Variants in MAST4 observed in about 807,000 individuals in gnomAD.
MAST4 encodes the protein microtubule associated serine/threonine kinase family member 4.
In MAST4, 89 loss-of-function variants were observed where a neutral mutation model predicts 162.7. The observed-to-expected ratio is 0.55, with a 90% CI of 0.46 to 0.65. The LOEUF (loss-of-function observed/expected upper bound fraction) is 0.65, where lower values mean the gene tolerates loss of function less well. Among genes scored for constraint, MAST4 ranks in the 30% least tolerant of loss-of-function variants. The pLI, the probability that MAST4 is intolerant of heterozygous loss-of-function variation, is 0.00. For synonymous variants in MAST4, 1,479 were observed against 1,361.1 expected (o/e 1.09, Z -1.91); for missense variants, 3,153 against 3,374.0 (o/e 0.93, Z 1.62).
At chr5:66,637,456 A>G (rs1326155884) in intron 1 of MAST4, among the ~76,000 whole-genome samples, 1 of 152,060 alleles carries the variant, frequency 6.6e-6, no homozygotes, top group East Asian at 1.9e-4. Flanking sequence ...GTTTGTGGGT[A>G]GCTTGCTTTT....
intron 14 of MAST4, 80 bp downstream of exon 14, chr5:67,121,182 C>A: frequency 1.8e-6 from 2 of 1,127,670 alleles, no homozygotes. Flanking sequence ...TATCTAAGGC[C>A]AAATAGAAGC....
chr5:67,046,871 A>G (rs776217228), intron 4 of MAST4, among the ~76,000 whole-genome samples: 9 of 152,182 alleles, frequency 5.9e-5, no homozygotes, highest in Non-Finnish European at 1.2e-4. Flanking sequence ...CCTTTAGAAG[A>G]GTTTTTCTGC....
At chr5:66,882,667 T>A (rs937178674) in intron 3 of MAST4, among the ~76,000 whole-genome samples, 2 of 152,188 alleles carry the variant, frequency 1.3e-5, no homozygotes, top group Admixed American at 6.5e-5. Flanking sequence ...CTGTATCCTT[T>A]AGCATACTTT....
chr5:67,051,122 G>A (rs1758126344), intron 4 of MAST4, among the ~76,000 whole-genome samples: 1 of 151,822 alleles, frequency 6.6e-6, no homozygotes, highest in Non-Finnish European at 1.5e-5. Flanking sequence ...TGCTACAGGA[G>A]AAGTAGTATT....
intron 3 of MAST4, among the ~76,000 whole-genome samples, chr5:66,884,034 G>T (rs192876022): frequency 8.9e-4 from 136 of 152,298 alleles, no homozygotes; most frequent in Non-Finnish European, 1.7e-3. Context: ...AAGTACAATA[G>T]CTGGTATATG....
intron 3 of MAST4, among the ~76,000 whole-genome samples, chr5:66,826,662 C>A (rs1561358513): frequency 1.3e-5 from 2 of 151,508 alleles, no homozygotes; most frequent in African/African-American, 4.9e-5. Context: ...CTCCTCTAGA[C>A]CCTAGTTTTT....
chr5:66,940,075 ATATG>A (rs1482482583), intron 4 of MAST4, among the ~76,000 whole-genome samples: 1 of 152,086 alleles, frequency 6.6e-6, no homozygotes, highest in African/African-American at 2.4e-5. Flanking sequence ...TCATAAATAT[ATATG>A]TATGTGTATA....
At chr5:66,611,331 G>A (rs1353652481) in intron 1 of MAST4, among the ~76,000 whole-genome samples, 2 of 152,176 alleles carry the variant, frequency 1.3e-5, no homozygotes, top group Admixed American at 1.3e-4. Context: ...CTTTGTTTTT[G>A]GAACTCAGAC....
At chr5:66,757,719 T>A (rs1267795796) in intron 1 of MAST4, among the ~76,000 whole-genome samples, 4 of 152,172 alleles carry the variant, frequency 2.6e-5, no homozygotes, top group Non-Finnish European at 5.9e-5. Flanking sequence ...AAAAACGGTG[T>A]GACAAAAGGT....
At position 67,049,078 on chromosome 5, in the gene MAST4, T is replaced by C. The variant is rs187535224; in HGVS notation, c.675-5326T>C. ...ATATATACGTATATATATATATATA[T>C]ACACTACCATACCAAGAATGAATGG... On this transcript the variant is annotated intron_variant, in intron 4 of 28. Transcript: ENST00000403625. Among the ~76,000 whole-genome samples, 251 of 138,684 alleles carry C rather than the reference T, an allele frequency of 1.8e-3. 1 individual carries two copies. The highest frequency in any genetic ancestry group is 8.1e-3 in the South Asian group (35 of 4,314). 91.0% of individuals were successfully genotyped at this position (138,684 alleles called of 152,430 possible).
chr5:66,728,572 A>T (rs1285965122), intron 1 of MAST4, among the ~76,000 whole-genome samples: 1 of 152,178 alleles, frequency 6.6e-6, no homozygotes, highest in African/African-American at 2.4e-5. Flanking sequence ...TAGACATGAG[A>T]TTTATTTAAA....
intron 1 of MAST4, among the ~76,000 whole-genome samples, chr5:66,633,367 A>G (rs921917202): frequency 3.9e-5 from 6 of 152,206 alleles, no homozygotes; most frequent in Admixed American, 1.3e-4. Flanking sequence ...CTGGCACCCG[A>G]AAGATAAACA....
At chr5:66,676,950 T>A (rs1306410636) in intron 1 of MAST4, among the ~76,000 whole-genome samples, 2 of 152,018 alleles carry the variant, frequency 1.3e-5, no homozygotes, top group Non-Finnish European at 2.9e-5. Context: ...TTATTGGGAG[T>A]TGGGCTAAAG....
At chr5:66,706,011 A>G (rs1750103004) in intron 1 of MAST4, among the ~76,000 whole-genome samples, 1 of 152,208 alleles carries the variant, frequency 6.6e-6, no homozygotes, top group Non-Finnish European at 1.5e-5. Flanking sequence ...ATTCTAAGCC[A>G]GTGGCCCTAG....
intron 6 of MAST4, chr5:67,093,715 G>T: frequency 2.3e-6 from 1 of 430,526 alleles, no homozygotes; most frequent in Non-Finnish European, 4.8e-6. Flanking sequence ...TATGTTCATT[G>T]ATAACTGAGG....
intron 27 of MAST4, 139 bp from the exon 28 acceptor site, chr5:67,162,468 G>T: frequency 1.5e-6 from 1 of 665,712 alleles, no homozygotes. Flanking sequence ...ATAGGAAAGT[G>T]GTGTTCTGCT....
rs567493471 is a variant in MAST4, at chr5:66,686,471, C to T, written c.364-73238C>T. Among the ~76,000 whole-genome samples, 25 of 152,282 alleles carry T rather than the reference C, an allele frequency of 1.6e-4. 1 individual carries two copies. Among genetic ancestry groups the T allele is most frequent in the African/African-American group, 6.0e-4 (25 of 41,550 alleles). On this transcript the variant is annotated intron_variant, in intron 1 of 28. Transcript: ENST00000403625. The stretch of plus-strand genomic sequence containing the variant: ...TTTAAAAATGGGATCAAAAAACTGT[C>T]ATGAAACTAAAGCTATTTTAATAAG...
chr5:67,096,620 A>C (rs1461081634), intron 7 of MAST4, among the ~76,000 whole-genome samples: 1 of 152,168 alleles, frequency 6.6e-6, no homozygotes, highest in Non-Finnish European at 1.5e-5. Context: ...AAATAGATAA[A>C]TTCTAACTGG....
chr5:66,629,167 A>G (rs1028177885), intron 1 of MAST4, among the ~76,000 whole-genome samples: 2 of 152,238 alleles, frequency 1.3e-5, no homozygotes, highest in Non-Finnish European at 2.9e-5. Context: ...ATCCAGGGAC[A>G]GAGAGCCAAG....
Sources: allele counts gnomAD v4.1 joint callset (sites outside exome capture counted in the v4.1 genomes callset), GRCh38; gene constraint gnomAD v4.1.1; transcripts MANE v1.5; gene names NCBI Gene and HGNC (gene_info 2026-07-23, HGNC 2026-07-21).